The following NEGR1 variants were observed in gnomAD, a reference collection of about 807,000 sequenced individuals.
The protein encoded by NEGR1 is IgLON family member 4.
In NEGR1, 10 loss-of-function variants were observed where a neutral mutation model predicts 40.9. That is an observed-to-expected ratio of 0.24 (90% CI 0.15 to 0.42). The LOEUF is 0.42. Among genes scored for constraint, NEGR1 ranks in the 10% least tolerant of loss-of-function variants. The pLI is 1.00. For synonymous variants in NEGR1, 185 were observed against 166.8 expected, an observed-to-expected ratio of 1.11 and a Z score of -0.84; for missense variants, 352 against 438.9, an observed-to-expected ratio of 0.80 and a Z score of 1.77.
intron 3 of NEGR1, among the ~76,000 whole-genome samples, chr1:71,699,839 C>T (rs185113491): frequency 3.3e-5 from 5 of 151,904 alleles, no homozygotes; most frequent in African/African-American, 9.6e-5. Flanking sequence ...ATGCTAGTCT[C>T]ATAATAGTGA....
chr1:71,684,093 AC>A (rs1304085310), intron 4 of NEGR1, among the ~76,000 whole-genome samples: 1 of 151,926 alleles, frequency 6.6e-6, no homozygotes, highest in Non-Finnish European at 1.5e-5. Context: ...ACACGGTGAA[AC>A]CCTGTCTCTA....
rs544464669 is a variant in NEGR1, at chr1:71,694,582, C to T, written c.667+3426G>A. ...TTATATCAATTACCTCAACAAAGTG[C>T]TAGGTAATTAAATTGAATAGAAATC... On this transcript the variant is annotated intron_variant, in intron 4 of 6. Coordinates refer to ENST00000357731, the MANE Select transcript of NEGR1 (RefSeq NM_173808.3). Among the ~76,000 whole-genome samples the T allele has an allele frequency of 8.8e-4, 133 of 151,706 alleles. 2 individuals are homozygous for T. The highest frequency in any genetic ancestry group is 6.8e-3 in the Middle Eastern group (2 of 294).
intron 1 of NEGR1, among the ~76,000 whole-genome samples, chr1:72,262,112 T>C (rs1258118179): frequency 6.6e-6 from 1 of 151,978 alleles, no homozygotes; most frequent in Admixed American, 6.6e-5. Flanking sequence ...TGGGAAGCTA[T>C]CCTAGATTGG....
chr1:71,918,803 A>T (rs1661677778), intron 2 of NEGR1, among the ~76,000 whole-genome samples: 1 of 152,070 alleles, frequency 6.6e-6, no homozygotes, highest in Non-Finnish European at 1.5e-5. Flanking sequence ...TCAAAGCCTG[A>T]CTCACTTCAC....
intron 4 of NEGR1, among the ~76,000 whole-genome samples, chr1:71,683,495 A>G (rs1353687030): frequency 1.4e-5 from 2 of 141,588 alleles, no homozygotes; most frequent in Non-Finnish European, 3.0e-5. Context: ...TACTTTGGAA[A>G]TTGTATCCAG....
intron 1 of NEGR1, among the ~76,000 whole-genome samples, chr1:72,099,029 T>C (rs1473865761): frequency 2.0e-5 from 3 of 151,958 alleles, no homozygotes; most frequent in African/African-American, 7.2e-5. Context: ...CAACTCGACT[T>C]TTAATAATTC....
At chr1:71,585,809 T>C (rs1425116245) in intron 6 of NEGR1, among the ~76,000 whole-genome samples, 2 of 150,582 alleles carry the variant, frequency 1.3e-5, no homozygotes, top group Admixed American at 6.7e-5. Context: ...CATTAACAAA[T>C]GAATCAAAGG....
chr1:71,487,070 G>A (rs1390662736), intron 6 of NEGR1: 1 of 151,446 alleles, frequency 6.6e-6, no homozygotes, highest in Admixed American at 6.6e-5. Context: ...ACAATACATA[G>A]AAGATTTTTT....
At position 71,938,510 on chromosome 1, in the gene NEGR1, AT is replaced by A. The variant is rs554172176; in HGVS notation, c.177-3200del. ...CCTTTTCATTCTCCATCTACATTCTATTTTTTCCTTTGCAATACAAAGAGAT... is the reference window on the plus strand; with the variant it reads ...CCTTTTCATTCTCCATCTACATTCTATTTTTCCTTTGCAATACAAAGAGAT... On this transcript the variant is annotated intron_variant, in intron 1 of 6. Transcript: ENST00000357731. Among the ~76,000 whole-genome samples the A allele has an allele frequency of 6.7e-4, 92 of 137,594 alleles. 1 individual carries two copies. In the East Asian group the frequency reaches 0.017, roughly 25 times the overall value. 90.3% of individuals were successfully genotyped at this position (137,594 alleles called of 152,430 possible).
chr1:71,737,398 G>C (rs1420856742), intron 3 of NEGR1, among the ~76,000 whole-genome samples: 1 of 151,046 alleles, frequency 6.6e-6, no homozygotes, highest in Non-Finnish European at 1.5e-5. Context: ...TGAAAGTCTA[G>C]GCCTTAGTTG....
chr1:71,569,870 G>A (rs559650466), intron 6 of NEGR1, among the ~76,000 whole-genome samples: 1 of 152,222 alleles, frequency 6.6e-6, no homozygotes, highest in South Asian at 2.1e-4. Context: ...CACAAGTGTG[G>A]CTCACCAACG....
At chr1:71,475,474 T>C (rs1646813369) in intron 6 of NEGR1, among the ~76,000 whole-genome samples, 1 of 152,092 alleles carries the variant, frequency 6.6e-6, no homozygotes, top group Non-Finnish European at 1.5e-5. Flanking sequence ...CTTGATATAT[T>C]TGTACGCTAA....
chr1:71,464,924 T>C (rs547102679), intron 6 of NEGR1, among the ~76,000 whole-genome samples: 1 of 152,198 alleles, frequency 6.6e-6, no homozygotes, highest in Non-Finnish European at 1.5e-5. Context: ...AGCGTAGAGT[T>C]TGGCTGTTCA....
At chr1:71,759,898 C>A (rs1655883632) in intron 3 of NEGR1, among the ~76,000 whole-genome samples, 1 of 151,868 alleles carries the variant, frequency 6.6e-6, no homozygotes, top group Admixed American at 6.6e-5. Flanking sequence ...CATGAACCAC[C>A]GTGGCTGGCC....
At chr1:72,128,793 C>T (rs993311249) in intron 1 of NEGR1, among the ~76,000 whole-genome samples, 4 of 152,032 alleles carry the variant, frequency 2.6e-5, no homozygotes, top group African/African-American at 4.8e-5. Context: ...TGGGTATGCC[C>T]GTGATGGTGT....
At chr1:72,208,107 C>A (rs947776536) in intron 1 of NEGR1, among the ~76,000 whole-genome samples, 6 of 151,484 alleles carry the variant, frequency 4.0e-5, no homozygotes, top group African/African-American at 1.5e-4. Flanking sequence ...GTCATCTGGG[C>A]ATATAGTACA....
intron 1 of NEGR1, among the ~76,000 whole-genome samples, chr1:72,252,528 A>C (rs770175002): frequency 1.3e-5 from 2 of 152,234 alleles, no homozygotes; most frequent in Non-Finnish European, 2.9e-5. Flanking sequence ...ATATTCTAGT[A>C]CATATCTGTA....
At position 71,683,468 on chromosome 1, in the gene NEGR1, T is replaced by C. The variant is rs142867572; in HGVS notation, c.667+14540A>G. On this transcript the variant is annotated intron_variant, in intron 4 of 6. Coordinates refer to ENST00000357731, the MANE Select transcript of NEGR1 (RefSeq NM_173808.3). The stretch of plus-strand genomic sequence containing the variant: ...TACATTTTTCCTCAGTAAATTAAAA[T>C]GATGCCTTTTGAAACATACTTTGGA... Among the ~76,000 whole-genome samples, 1,036 of 152,286 alleles carry C rather than the reference T, an allele frequency of 6.8e-3. 11 individuals carry two copies. The highest frequency in any genetic ancestry group is 0.023 in the African/African-American group (972 of 41,550).
intron 3 of NEGR1, among the ~76,000 whole-genome samples, chr1:71,710,108 C>A (rs1211704969): frequency 1.3e-5 from 2 of 152,122 alleles, no homozygotes; most frequent in Non-Finnish European, 2.9e-5. Flanking sequence ...CAAAAGAAGA[C>A]ATACAAATAG....
Sources: gnomAD v4.1 joint callset for allele counts (sites outside exome capture counted in the v4.1 genomes callset) on GRCh38, gnomAD v4.1.1 for gene constraint, MANE v1.5 for transcripts, NCBI Gene and HGNC (gene_info 2026-07-23, HGNC 2026-07-21) for gene names.